MYH14: variants seen among roughly 807,000 people sequenced by gnomAD.
The protein encoded by MYH14 is myosin-14.
Under a neutral mutation model 255.5 loss-of-function variants are expected in MYH14, and 123 were observed. The observed-to-expected ratio is 0.48, with a 90% CI of 0.42 to 0.56. The LOEUF (loss-of-function observed/expected upper bound fraction) is 0.56, where lower values mean the gene tolerates loss of function less well. MYH14 is among the 20% of genes least tolerant of loss of function. MYH14 has a pLI of 0.00. For synonymous variants in MYH14, 1,095 were observed against 1,161.2 expected (o/e 0.94, Z 1.16); for missense variants, 2,423 against 2,802.3 (o/e 0.86, Z 3.06).
intron 1 of MYH14, among the ~76,000 whole-genome samples, 171 bp downstream of exon 1, chr19:50,203,842 G>T (rs1213010778): frequency 6.6e-6 from 1 of 151,736 alleles, no homozygotes; most frequent in African/African-American, 2.4e-5. Context: ...GGCGGCGAGG[G>T]AGGTGGGGGG....
intron 40 of MYH14, among the ~76,000 whole-genome samples, chr19:50,305,613 G>A (rs926831845): frequency 2.6e-5 from 4 of 152,038 alleles, no homozygotes; most frequent in Non-Finnish European, 5.9e-5. Context: ...CTGAGGTTCC[G>A]AGGGAGTAGA....
chr19:50,205,532 C>T (rs1254715269), intron 1 of MYH14: 2 of 152,350 alleles, frequency 1.3e-5, no homozygotes, highest in African/African-American at 4.8e-5. Flanking sequence ...ACCCCATCTC[C>T]CCGCTCCGGT....
At chr19:50,270,238 G>A (rs1261973068) in intron 24 of MYH14, among the ~76,000 whole-genome samples, 1 of 151,754 alleles carries the variant, frequency 6.6e-6, no homozygotes, top group Non-Finnish European at 1.5e-5. Context: ...AATAAAATAG[G>A]CTGGGCGCAA....
chr19:50,267,007 A>C lies in MYH14; in HGVS notation c.2825A>C (p.Gln942Pro). ...GGGGAGCTCCAGGGCCGAGTGGCAC[A>C]GGTGAGGGGGCGGGGGCAGGGCGTG... ...EVGELQGRVA[Q>P]LEEERARLAE... Residue 942 changes from glutamine (Q) to proline (P), a missense_variant and splice_region_variant, in exon 23 of 43, where the codon CAG becomes CCG. Transcript: ENST00000642316. 2.5e-6 allele frequency: 3 copies of C among 1,186,998 alleles called. No homozygotes were observed. Among genetic ancestry groups the C allele is most frequent in the Non-Finnish European group, 3.3e-6 (3 of 899,570 alleles). 73.5% of individuals were successfully genotyped at this position (1,186,998 alleles called of 1,614,324 possible).
Position 50,259,199 on chromosome 19 carries a change from TG to T in MYH14, c.2290del (p.Glu764ArgfsTer26). The T allele has an allele frequency of 6.3e-7, 1 of 1,581,078 alleles. No homozygotes were observed. The highest frequency in any genetic ancestry group is 1.2e-5 in the South Asian group (1 of 86,756). On this transcript the variant is annotated frameshift_variant, in exon 19 of 43. Transcript: ENST00000642316. LOFTEE classifies it high-confidence loss of function. ...VLDQLRCNGV[L>X]EGIRICRQGF... is the part of the protein sequence containing the mutation. The stretch of plus-strand genomic sequence containing the variant: ...GACCAGCTTCGCTGCAACGGGGTCC[TG>T]GAGGGCATCCGCATCTGTCGCCAGG...
At chr19:50,287,849 C>T (rs1040542264) in intron 34 of MYH14, among the ~76,000 whole-genome samples, 1 of 152,104 alleles carries the variant, frequency 6.6e-6, no homozygotes, top group Non-Finnish European at 1.5e-5. Context: ...GCCTGAGAAC[C>T]ACTCCCCCGA....
chr19:50,249,291 CTCTCTGGGTCTCTGTCCCCTG>C (rs1207444240), intron 13 of MYH14, 152 bp downstream of exon 13: 7 of 905,278 alleles, frequency 7.7e-6, no homozygotes, highest in African/African-American at 1.7e-5. Flanking sequence ...CTGTCCCCCT[CTCTCTGGGTCTCTGTCCCCTG>C]TCTCTGGGTC....
At chr19:50,265,466 C>T (rs942409368) in intron 22 of MYH14, among the ~76,000 whole-genome samples, 1 of 152,082 alleles carries the variant, frequency 6.6e-6, no homozygotes, top group African/African-American at 2.4e-5. Context: ...AAGCCATGAT[C>T]GCATCACTGC....
intron 27 of MYH14, among the ~76,000 whole-genome samples, chr19:50,274,946 A>G (rs1310778863): frequency 6.6e-6 from 1 of 151,732 alleles, no homozygotes; most frequent in Non-Finnish European, 1.5e-5. Context: ...AAAAAAAAAA[A>G]AAAGAAAGCA....
chr19:50,245,467 GA>G (rs1568493082), intron 11 of MYH14, among the ~76,000 whole-genome samples: 1 of 141,586 alleles, frequency 7.1e-6, no homozygotes, highest in South Asian at 2.3e-4. Flanking sequence ...AAGAAAGAAA[GA>G]AAAAGAAAAA....
At chr19:50,223,545 T>C (rs1188337613) in intron 5 of MYH14, among the ~76,000 whole-genome samples, 196 bp downstream of exon 5, 3 of 152,222 alleles carry the variant, frequency 2.0e-5, no homozygotes, top group African/African-American at 7.2e-5. Flanking sequence ...AGGGTCAGTC[T>C]TGGTCTCACT....
chr19:50,290,781 C>A (rs1383763346), intron 35 of MYH14, 106 bp from the exon 36 acceptor site: 2 of 1,214,104 alleles, frequency 1.6e-6, no homozygotes, highest in Admixed American at 2.6e-5. Flanking sequence ...AGGAGCGGGG[C>A]TTGCAGCCTG....
Position 50,261,650 on chromosome 19 carries a change from T to C in MYH14, c.2585+15T>C, listed in dbSNP as rs751351271. The C allele has an allele frequency of 3.0e-5, 48 of 1,581,016 alleles. No individual in the cohort carries two copies. Among genetic ancestry groups the C allele is most frequent in the Non-Finnish European group, 4.0e-5 (47 of 1,165,778 alleles). ...CTGGCTCGCAGGTGGGCAGCCACGC[T>C]GTCTCCCGGGGTCCTGTTGGCCGAG... On this transcript the variant is annotated intron_variant, in intron 21 of 42. Transcript: ENST00000642316.
In MYH14 at chr19:50,272,097, C is replaced by A. The variant is rs2035325218; in HGVS notation, c.3295+125C>A. The A allele has an allele frequency of 4.7e-6, 6 of 1,289,272 alleles. No individual in the cohort carries two copies. The Admixed American group carries it at 6.6e-5, about 14-fold the overall frequency. 79.9% of individuals were successfully genotyped at this position (1,289,272 alleles called of 1,614,324 possible). On this transcript the variant is annotated intron_variant, in intron 26 of 42. Transcript: ENST00000642316. ...ATGGGATAGGAAGGAAGGCTCAGGG[C>A]AGATTGAGTGTCCTCCCAGCTCTTG...
At chr19:50,219,409 A>T (rs1204157995) in intron 3 of MYH14, among the ~76,000 whole-genome samples, 1 of 151,836 alleles carries the variant, frequency 6.6e-6, no homozygotes, top group Non-Finnish European at 1.5e-5. Flanking sequence ...TGGTGTGGAT[A>T]CGGTGAAATG....
rs1255046814 is a variant in MYH14, at chr19:50,217,681, A to C, written c.472A>C (p.Ile158Leu). ...GCAGCTTCCCATCTACACAGAAGCCATTGTGGAGATGTACCGGGGCAAGAA... is the reference window on the plus strand; with the variant it reads ...GCAGCTTCCCATCTACACAGAAGCCCTTGTGGAGATGTACCGGGGCAAGAA... ...YKQLPIYTEA[I>L]VEMYRGKKRH... The change falls in exon 3 of 43, where the codon ATT (isoleucine) becomes CTT (leucine). Residue 158 changes from isoleucine to leucine, a missense_variant. Transcript: ENST00000642316. 6.2e-7 allele frequency: 1 copy of C among 1,613,984 alleles called. No homozygotes were observed. Among genetic ancestry groups the C allele is most frequent in the East Asian group, 2.2e-5 (1 of 44,876 alleles).
intron 10 of MYH14, among the ~76,000 whole-genome samples, chr19:50,243,029 G>A (rs1328610329): frequency 1.3e-5 from 2 of 152,188 alleles, no homozygotes; most frequent in Admixed American, 6.6e-5. Flanking sequence ...TAAAATACGT[G>A]TGTGAGATCA....
rs769397047 is a variant in MYH14 at position 50,217,714 on chromosome 19, G to A, written c.505G>A (p.Glu169Lys). Residue 169 changes from glutamate to lysine, a missense_variant, in exon 3 of 43, where the codon GAG (glutamate) becomes AAG (lysine). This residue lies in a region of MYH14 where 672 missense variants were observed against 881.8 expected (regional missense o/e 0.76). Coordinates refer to ENST00000642316, the MANE Select transcript of MYH14 (RefSeq NM_001145809.2). ...GATGTACCGGGGCAAGAAGCGCCAC[G>A]AGGTGCCACCCCACGTGTACGCAGT... Reference protein sequence around the residue: ...VEMYRGKKRHEVPPHVYAVTE... With the variant: ...VEMYRGKKRHKVPPHVYAVTE... 12 of 1,613,946 alleles carry A rather than the reference G, an allele frequency of 7.4e-6. No homozygotes were observed. Among genetic ancestry groups the A allele is most frequent in the Admixed American group, 1.7e-5 (1 of 60,020 alleles).
At chr19:50,208,501 T>C (rs1022670753) in intron 1 of MYH14, among the ~76,000 whole-genome samples, 2 of 150,868 alleles carry the variant, frequency 1.3e-5, no homozygotes, top group Non-Finnish European at 2.9e-5. Flanking sequence ...TTGGTTTCTG[T>C]AAAAAAATAA....
Sources: allele counts gnomAD v4.1 joint callset (sites outside exome capture counted in the v4.1 genomes callset), GRCh38; gene constraint gnomAD v4.1.1; regional missense constraint gnomAD v4.1.1; transcripts MANE v1.5; gene names NCBI Gene and HGNC (gene_info 2026-07-23, HGNC 2026-07-21).